The following TXNDC16 variants were observed in gnomAD, a reference collection of about 807,000 sequenced individuals.
TXNDC16 encodes thioredoxin domain-containing protein 16.
In TXNDC16, 74 loss-of-function variants were observed where a neutral mutation model predicts 85.6. The ratio of observed to expected loss-of-function variants is 0.86; its 90% CI spans 0.72 to 1.05. The LOEUF is 1.05. Ranked by LOEUF, TXNDC16 falls within the 50% of genes least tolerant of loss-of-function variation. The pLI is 0.00. For synonymous variants in TXNDC16, 335 were observed against 326.5 expected, an observed-to-expected ratio of 1.03 and a Z score of -0.28; for missense variants, 959 against 947.0, an observed-to-expected ratio of 1.01 and a Z score of -0.17.
Position 52,506,746 on chromosome 14 carries a change from C to T in TXNDC16, c.756+4494G>A, listed in dbSNP as rs1437548146. On this transcript the variant is annotated intron_variant, in intron 9 of 20. Transcript: ENST00000281741. ...TAATTTTCTGTATTTTTAGTAGAGA[C>T]GGGGTTTCACCTTGTTAGCCAGGAT... Among the ~76,000 whole-genome samples the T allele has an allele frequency of 1.1e-4, 15 of 141,548 alleles. No homozygotes were observed. The South Asian group carries it at 1.9e-3, about 18-fold the overall frequency. 92.9% of individuals were successfully genotyped at this position (141,548 alleles called of 152,430 possible). A position where few individuals can be genotyped will look rare whatever the true frequency, so the allele number is the denominator to read the frequency against.
At chr14:52,517,526 G>A (rs866613397) in intron 7 of TXNDC16, among the ~76,000 whole-genome samples, 4 of 151,822 alleles carry the variant, frequency 2.6e-5, no homozygotes, top group African/African-American at 9.7e-5. Context: ...ACCAAAAAAC[G>A]TTTATAAACT....
At chr14:52,510,129 AG>A (rs2036922297) in intron 9 of TXNDC16, among the ~76,000 whole-genome samples, 2 of 152,364 alleles carry the variant, frequency 1.3e-5, no homozygotes, top group Admixed American at 1.3e-4. Flanking sequence ...TAAATATCAT[AG>A]ACCTTGATAA....
chr14:52,506,802 C>T (rs1395714642), intron 9 of TXNDC16, among the ~76,000 whole-genome samples: 6 of 143,930 alleles, frequency 4.2e-5, no homozygotes, highest in African/African-American at 7.9e-5. Context: ...ATGATCCACC[C>T]GCCTCGGCCT....
rs548674668 is a variant in TXNDC16, at chr14:52,511,363, G to A, written c.633C>T (p.Leu211=). The change falls in exon 9 of 21, where the codon CTC becomes CTT. Residue 211 remains leucine (L), a synonymous_variant. Transcript: ENST00000281741. ...AGACTAGTTTACAATGAAAAAAGTA[G>A]AGATGTGCATATTCCACATCCTCAG... ...IGSEDVEYAH[L]YFFHCKLVLD... The A allele has an allele frequency of 8.1e-6, 13 of 1,601,816 alleles. No homozygotes were observed. The highest frequency in any genetic ancestry group is 1.1e-5 in the South Asian group (1 of 89,156).
At chr14:52,518,127 CCTT>C (rs1335936115) in intron 7 of TXNDC16, among the ~76,000 whole-genome samples, 1 of 152,184 alleles carries the variant, frequency 6.6e-6, no homozygotes, top group Non-Finnish European at 1.5e-5. Flanking sequence ...CATTCTGTCT[CCTT>C]TACTGGTTCA....
Position 52,475,205 on chromosome 14 carries a change from A to G in TXNDC16, c.1313-4525T>C, listed in dbSNP as rs557003127. 1.1e-4 allele frequency among the ~76,000 whole-genome samples: 17 copies of G among 152,210 alleles called. No individual in the cohort carries two copies. The South Asian group carries it at 3.5e-3, about 32-fold the overall frequency. On this transcript the variant is annotated intron_variant, in intron 14 of 20. Coordinates refer to ENST00000281741, the MANE Select transcript of TXNDC16 (RefSeq NM_020784.3). ...TCCCCTACCAAGCCATTTGTGCCTC[A>G]CCTCACAAGGGGTCCTTGAGGAGGG...
In TXNDC16 at chr14:52,491,005, T is replaced by C. The variant is rs1185075247; in HGVS notation, c.757A>G (p.Thr253Ala). The C allele has an allele frequency of 2.6e-6, 4 of 1,532,282 alleles. No homozygotes were observed. In the South Asian group the frequency reaches 3.8e-5, roughly 14 times the overall value. The allele number at this position is 1,532,282 out of a possible 1,614,324, so 94.9% of individuals were successfully genotyped here. A position where few individuals can be genotyped will look rare whatever the true frequency, so the allele number is the denominator to read the frequency against. Reference sequence around the variant, plus strand: ...TGTTGAGGATCTTCAGCAACTTCAGTCTTCATTGAAAAAAAAAAAAAAAAA... The same window carrying C: ...TGTTGAGGATCTTCAGCAACTTCAGCCTTCATTGAAAAAAAAAAAAAAAAA... The part of the protein sequence containing the change: ...FIKTMKAPLL[T>A]EVAEDPQQVS... Residue 253 changes from threonine to alanine, a missense_variant and splice_region_variant, in exon 10 of 21, where the codon ACT (threonine) becomes GCT (alanine). By Grantham distance (58) the Thr-to-Ala change is moderately conservative. Transcript: ENST00000281741.
chr14:52,470,211 T>A lies in TXNDC16; in HGVS notation c.1482-38A>T, dbSNP rs1298734690. ...ATAACTATATTACAAATTAATTTTT[T>A]AAGATATTTTCAGTTTGTAAAAAAA... On this transcript the variant is annotated intron_variant, in intron 15 of 20. Transcript: ENST00000281741. 2.7e-6 allele frequency: 4 copies of A among 1,472,560 alleles called. No homozygotes were observed. The African/African-American group carries it at 5.8e-5, about 21-fold the overall frequency. The allele number at this position is 1,472,560 out of a possible 1,614,324, so 91.2% of individuals were successfully genotyped here.
intron 16 of TXNDC16, among the ~76,000 whole-genome samples, chr14:52,465,025 T>G (rs1450676895): frequency 2.6e-5 from 4 of 152,234 alleles, no homozygotes; most frequent in Non-Finnish European, 5.9e-5. Context: ...ATTAATATTC[T>G]TATTATTTAT....
intron 15 of TXNDC16, 85 bp from the exon 16 acceptor site, chr14:52,470,258 C>G (rs2035875007): frequency 2.0e-6 from 2 of 1,023,652 alleles, no homozygotes; most frequent in Non-Finnish European, 2.8e-6. Flanking sequence ...ACATAGCAAA[C>G]AATATATTAC....
intron 12 of TXNDC16, among the ~76,000 whole-genome samples, 156 bp from the exon 13 acceptor site, chr14:52,483,121 T>C (rs1354749049): frequency 6.6e-6 from 1 of 152,222 alleles, no homozygotes; most frequent in African/African-American, 2.4e-5. Flanking sequence ...TAGAAAACTT[T>C]GCAGTTGCTT....
rs759779086 is a variant in TXNDC16 at position 52,514,883 on chromosome 14, A to G, written c.602T>C (p.Ile201Thr). The G allele has an allele frequency of 3.7e-6, 6 of 1,608,886 alleles. No homozygotes were observed. In the African/African-American group the frequency reaches 6.7e-5, roughly 18 times the overall value. Residue 201 changes from isoleucine (I) to threonine (T), a missense_variant, in exon 8 of 21, where the codon ATT (isoleucine) becomes ACT (threonine). By Grantham distance (89) the Ile-to-Thr change is moderately conservative. Coordinates refer to ENST00000281741, the MANE Select transcript of TXNDC16 (RefSeq NM_020784.3). The part of the protein sequence containing the change: ...LTTEIALLES[I>T]GSEDVEYAHL... ...GACATATGCTTTTTATACATACCCA[A>G]TACTTTCCAAAAGGGCAATTTCTGT...
chr14:52,532,744 T>C (rs2037612587), intron 6 of TXNDC16, among the ~76,000 whole-genome samples: 1 of 151,822 alleles, frequency 6.6e-6, no homozygotes, highest in African/African-American at 2.4e-5. Flanking sequence ...CCAGTTCAAA[T>C]CTATTTTTAT....
At chr14:52,480,702 G>A (rs1309688132) in intron 14 of TXNDC16, among the ~76,000 whole-genome samples, 1 of 151,880 alleles carries the variant, frequency 6.6e-6, no homozygotes, top group Non-Finnish European at 1.5e-5. Context: ...GGTGAACAGG[G>A]AACTCTTCTA....
At chr14:52,503,603 T>TA (rs753562517) in intron 9 of TXNDC16, among the ~76,000 whole-genome samples, 4 of 151,828 alleles carry the variant, frequency 2.6e-5, no homozygotes, top group South Asian at 4.2e-4. Flanking sequence ...CAAAGGTAGA[T>TA]AAAAAACCAC....
intron 2 of TXNDC16, 61 bp downstream of exon 2, chr14:52,544,203 T>C (rs2037894098): frequency 6.6e-6 from 1 of 152,184 alleles, no homozygotes; most frequent in African/African-American, 2.4e-5. Context: ...TTCAATTCTA[T>C]GTTCTGAAAT....
intron 18 of TXNDC16, 65 bp downstream of exon 18, chr14:52,455,259 A>T: frequency 6.3e-7 from 1 of 1,581,486 alleles, no homozygotes; most frequent in African/African-American, 1.3e-5. Flanking sequence ...GTGTATGAAC[A>T]TATACTACCT....
At chr14:52,484,477 T>G (rs1448874760) in intron 12 of TXNDC16, among the ~76,000 whole-genome samples, 2 of 152,152 alleles carry the variant, frequency 1.3e-5, no homozygotes. Flanking sequence ...ATAATAGAGC[T>G]GAGAAATTCC....
intron 6 of TXNDC16, among the ~76,000 whole-genome samples, chr14:52,519,882 T>C (rs778762368): frequency 1.2e-4 from 19 of 152,184 alleles, no homozygotes; most frequent in Non-Finnish European, 2.4e-4. Flanking sequence ...CTGTAGCATT[T>C]TCCTCTCATT....
Sources: gnomAD v4.1 joint callset for allele counts (sites outside exome capture counted in the v4.1 genomes callset) on GRCh38, gnomAD v4.1.1 for gene constraint, MANE v1.5 for transcripts, NCBI Gene and HGNC (gene_info 2026-07-23, HGNC 2026-07-21) for gene names.